ZNF568: variants seen among roughly 807,000 people sequenced by gnomAD.
ZNF568 encodes zinc finger protein 568, also known as p53 inhibitor of SCO2 activation.
In ZNF568, 11 loss-of-function variants were observed where a neutral mutation model predicts 18.1. The ratio of observed to expected loss-of-function variants is 0.61; its 90% CI spans 0.38 to 1.00. The LOEUF is 1.00. Among genes scored for constraint, ZNF568 ranks in the 50% least tolerant of loss-of-function variants. The probability of loss-of-function intolerance (pLI) is 0.01; values close to 1 mark genes in which losing one functional copy is unlikely to be tolerated. For synonymous variants in ZNF568, 213 were observed against 246.6 expected (o/e 0.86, Z 1.28); for missense variants, 639 against 768.2 (o/e 0.83, Z 1.99).
At chr19:36,931,718 TA>T (rs1374436912) in intron 4 of ZNF568, 1 of 152,128 alleles carries the variant, frequency 6.6e-6, no homozygotes, top group Non-Finnish European at 1.5e-5. Flanking sequence ...TCTTATAACT[TA>T]AAAAAACTTT....
Position 36,952,046 on chromosome 19 carries a change from TTTTTTTTTTC to T in ZNF568, c.*959_*968del, listed in dbSNP as rs1280028978. The T allele has an allele frequency of 1.0e-6, 1 of 979,946 alleles. No individual in the cohort carries two copies. Among genetic ancestry groups the T allele is most frequent in the Non-Finnish European group, 1.2e-6 (1 of 826,974 alleles). 60.7% of individuals were successfully genotyped at this position (979,946 alleles called of 1,614,324 possible). On this transcript the variant is annotated 3_prime_UTR_variant, in exon 7 of 7. Transcript: ENST00000333987. ...ACGTTGAGGCCAAGGAGCTTTTTTT[TTTTTTTTTTC>T]AAGACAAAAGGACTCTGTAATTCCA...
chr19:36,992,285 C>T (rs533748806), intron 4 of ZNF568, among the ~76,000 whole-genome samples: 42 of 148,790 alleles, frequency 2.8e-4, no homozygotes, highest in Non-Finnish European at 4.1e-4. Flanking sequence ...AGGCGGATTA[C>T]GAGGTCAGGA....
intron 6 of ZNF568, among the ~76,000 whole-genome samples, chr19:36,948,481 G>A (rs571961628): frequency 5.3e-5 from 8 of 152,178 alleles, no homozygotes; most frequent in Admixed American, 4.6e-4. Flanking sequence ...TAAATACCAA[G>A]CATGATTGCT....
intron 7 of ZNF568, chr19:36,978,982 C>CTTTTT (rs750326116): frequency 2.2e-4 from 58 of 261,276 alleles, no homozygotes; most frequent in Middle Eastern, 1.5e-3. Context: ...TTGTAACTAT[C>CTTTTT]TTTTTTTTTT....
intron 4 of ZNF568, among the ~76,000 whole-genome samples, chr19:36,929,192 TC>T (rs1371814590): frequency 6.6e-6 from 1 of 152,188 alleles, no homozygotes; most frequent in Non-Finnish European, 1.5e-5. Flanking sequence ...TTATCTTTAT[TC>T]CCTCACTGTA....
downstream of ZNF568, chr19:36,997,767 CTGATTTGG>C: frequency 1.7e-6 from 1 of 575,358 alleles, no homozygotes; most frequent in Non-Finnish European, 2.9e-6. Context: ...AAAGTTCATA[CTGATTTGG>C]AAAAAAAAAC....
downstream of ZNF568, among the ~76,000 whole-genome samples, chr19:36,980,550 T>A (rs1475629699): frequency 1.3e-5 from 2 of 152,084 alleles, no homozygotes; most frequent in Non-Finnish European, 2.9e-5. Flanking sequence ...AGCTACAAAT[T>A]CAGGTATTTC....
intron 4 of ZNF568, among the ~76,000 whole-genome samples, chr19:36,934,322 T>TTTA (rs1313602587): frequency 2.2e-5 from 3 of 133,452 alleles, no homozygotes; most frequent in African/African-American, 8.6e-5. Context: ...TTTTTTTTTT[T>TTTA]AATTGAGGCA....
At chr19:36,957,996 T>C (rs756555905) in intron 6 of ZNF568, among the ~76,000 whole-genome samples, 17 of 152,326 alleles carry the variant, frequency 1.1e-4, no homozygotes, top group South Asian at 6.2e-4. Context: ...GTGTTGGATT[T>C]TTGTCAAGTG....
chr19:36,957,376 C>T (rs1231723288), downstream of ZNF568, among the ~76,000 whole-genome samples: 5 of 151,962 alleles, frequency 3.3e-5, no homozygotes, highest in Non-Finnish European at 7.4e-5. Context: ...GGATTACAGG[C>T]GCCTGCCACC....
chr19:36,990,696 C>T lies in ZNF568; in HGVS notation c.10-480C>T, dbSNP rs142145320. Among the ~76,000 whole-genome samples the T allele has an allele frequency of 2.2e-3, 340 of 152,262 alleles. 2 individuals carry two copies. Among genetic ancestry groups the T allele is most frequent in the African/African-American group, 8.0e-3 (332 of 41,558 alleles). ...TTAGAAAACTTCTCCAACCTACTTC[C>T]TCAAAACAAGAACATTGTATATATT... On this transcript the variant is annotated intron_variant, in intron 2 of 4. Coordinates refer to the ZNF568 transcript ENST00000433993.
downstream of ZNF568, among the ~76,000 whole-genome samples, chr19:36,954,203 C>T (rs773938168): frequency 3.3e-5 from 5 of 151,824 alleles, no homozygotes; most frequent in African/African-American, 4.8e-5. Flanking sequence ...TCAGCCTGGG[C>T]GACACAGCAA....
intron 7 of ZNF568, among the ~76,000 whole-genome samples, chr19:36,975,016 G>A (rs1044260329): frequency 4.9e-4 from 73 of 149,652 alleles, no homozygotes; most frequent in Non-Finnish European, 1.0e-4. Context: ...TAGTAGAGAC[G>A]GGGTTTTGCC....
intron 6 of ZNF568, among the ~76,000 whole-genome samples, chr19:36,945,777 G>GT (rs1568390412): frequency 6.6e-6 from 1 of 151,494 alleles, no homozygotes; most frequent in African/African-American, 2.4e-5. Flanking sequence ...ATGTGTGTGT[G>GT]TTTTTTTAAA....
chr19:36,975,390 G>A (rs1282742807), intron 7 of ZNF568, among the ~76,000 whole-genome samples: 4 of 150,752 alleles, frequency 2.7e-5, no homozygotes, highest in South Asian at 2.1e-4. Context: ...CTCGTGATCC[G>A]CCCGCCTAGG....
chr19:36,918,643 A>G (rs2073395586), intron 2 of ZNF568, among the ~76,000 whole-genome samples: 1 of 152,188 alleles, frequency 6.6e-6, no homozygotes, highest in African/African-American at 2.4e-5. Context: ...AATACACAAC[A>G]TAGAATTTAC....
chr19:36,967,955 G>T (rs895421153), intron 6 of ZNF568, among the ~76,000 whole-genome samples: 1 of 152,174 alleles, frequency 6.6e-6, no homozygotes, highest in African/African-American at 2.4e-5. Flanking sequence ...ACATGAAAAT[G>T]CATATCTCTT....
chr19:36,945,002 G>A (rs1024283485), intron 6 of ZNF568, among the ~76,000 whole-genome samples: 14 of 151,706 alleles, frequency 9.2e-5, no homozygotes, highest in Non-Finnish European at 2.1e-4. Context: ...TATTTTTAGG[G>A]ATTGCTTTGG....
chr19:36,992,242 C>CAAA (rs66941480), intron 4 of ZNF568, among the ~76,000 whole-genome samples: 1 of 118,186 alleles, frequency 8.5e-6, no homozygotes, highest in Admixed American at 8.9e-5. Context: ...GACTCCGTCT[C>CAAA]AAAAAAAAAA....
Sources: allele counts gnomAD v4.1 joint callset (sites outside exome capture counted in the v4.1 genomes callset), GRCh38; gene constraint gnomAD v4.1.1; transcripts MANE v1.5; gene names NCBI Gene and HGNC (gene_info 2026-07-23, HGNC 2026-07-21).